Variants in BRAF observed in about 807,000 individuals in gnomAD.
BRAF encodes the protein serine/threonine-protein kinase B-raf.
Under a neutral mutation model 104.6 loss-of-function variants are expected in BRAF, and 16 were observed. That is an observed-to-expected ratio of 0.15 (90% CI 0.10 to 0.23). The LOEUF is 0.23. BRAF is among the 10% of genes least tolerant of loss of function. BRAF has a pLI of 1.00. For synonymous variants in BRAF, 310 were observed against 341.6 expected (o/e 0.91, Z 1.02); for missense variants, 541 against 937.3 (o/e 0.58, Z 5.52).
chr7:140,780,328 C>T (rs753100323), intron 12 of BRAF: 8 of 151,394 alleles, frequency 5.3e-5, no homozygotes, highest in Non-Finnish European at 1.2e-4. Flanking sequence ...GCAACCTCCA[C>T]CTCCTAGGTT....
At chr7:140,892,365 A>G (rs1814338459) in intron 1 of BRAF, among the ~76,000 whole-genome samples, 1 of 152,258 alleles carries the variant, frequency 6.6e-6, no homozygotes, top group Non-Finnish European at 1.5e-5. Flanking sequence ...TATATAATAT[A>G]GTACAGGGTA....
At chr7:140,727,480 G>A (rs1238401972) in intron 19 of BRAF, among the ~76,000 whole-genome samples, 2 of 151,882 alleles carry the variant, frequency 1.3e-5, no homozygotes, top group Non-Finnish European at 2.9e-5. Context: ...CACTGCACCC[G>A]GCCGCCATTA....
Position 140,725,547 on chromosome 7 carries a change from A to C in BRAF, c.*947T>G, listed in dbSNP as rs1166052026. The stretch of plus-strand genomic sequence containing the variant: ...AATTATCTAAATTTCTCACATTCAA[A>C]ACTGTTATTAAGCAGTTTTGTGGGG... On this transcript the variant is annotated 3_prime_UTR_variant, in exon 20 of 20. Transcript: ENST00000644969. 2.9e-6 allele frequency: 3 copies of C among 1,035,756 alleles called. No individual in the cohort carries two copies. Among genetic ancestry groups the C allele is most frequent in the Non-Finnish European group, 3.5e-6 (3 of 856,288 alleles). The allele number at this position is 1,035,756 out of a possible 1,614,324, so 64.2% of individuals were successfully genotyped here. A position where few individuals can be genotyped will look rare whatever the true frequency, so the allele number is the denominator to read the frequency against.
At chr7:140,749,639 A>C (rs1314317853) in intron 16 of BRAF, among the ~76,000 whole-genome samples, 1 of 152,210 alleles carries the variant, frequency 6.6e-6, no homozygotes, top group Non-Finnish European at 1.5e-5. Flanking sequence ...GTATTGTATT[A>C]CTAAGATTTT....
At chr7:140,890,211 A>G (rs1431225165) in intron 1 of BRAF, among the ~76,000 whole-genome samples, 2 of 152,254 alleles carry the variant, frequency 1.3e-5, no homozygotes, top group African/African-American at 4.8e-5. Context: ...CACAAAGTAA[A>G]TAATAAACTG....
rs113499031 is a variant in BRAF, at chr7:140,828,723, T to G, written c.504+5886A>C. On this transcript the variant is annotated intron_variant, in intron 3 of 19. Transcript: ENST00000644969. Reference sequence around the variant, plus strand: ...TCTTATTACGATGATTTAACAAATATCCTTGTATAAATATTGGTGCTTTTA... The same window carrying G: ...TCTTATTACGATGATTTAACAAATAGCCTTGTATAAATATTGGTGCTTTTA... Among the ~76,000 whole-genome samples the G allele has an allele frequency of 7.7e-3, 1,172 of 152,324 alleles. 18 individuals carry two copies. Among genetic ancestry groups the G allele is most frequent in the African/African-American group, 0.027 (1,108 of 41,576 alleles).
chr7:140,725,313 T>C lies in BRAF; in HGVS notation c.*1181A>G. 3 of 1,027,364 alleles carry C rather than the reference T, an allele frequency of 2.9e-6. No homozygotes were observed. Among genetic ancestry groups the C allele is most frequent in the Non-Finnish European group, 3.5e-6 (3 of 850,680 alleles). 63.6% of individuals were successfully genotyped at this position (1,027,364 alleles called of 1,614,324 possible). On this transcript the variant is annotated 3_prime_UTR_variant, in exon 20 of 20. Coordinates refer to ENST00000644969, the MANE Select transcript of BRAF (RefSeq NM_001374258.1). Reference sequence around the variant, plus strand: ...ATTGAAAAATTATAAATATTTGTCATTATGCTAAGACTCCTCATATTTAGG... The same window carrying C: ...ATTGAAAAATTATAAATATTTGTCACTATGCTAAGACTCCTCATATTTAGG...
At chr7:140,794,594 T>C (rs545455149) in intron 7 of BRAF, 127 bp from the exon 8 acceptor site, 4 of 1,131,968 alleles carry the variant, frequency 3.5e-6, no homozygotes, top group Non-Finnish European at 5.1e-6. Flanking sequence ...ATTAAAAACC[T>C]AGCAGTAATG....
At chr7:140,733,607 T>C (rs1796151751) in intron 19 of BRAF, 1 of 152,240 alleles carries the variant, frequency 6.6e-6, no homozygotes, top group Non-Finnish European at 1.5e-5. Flanking sequence ...AAGTAGAATC[T>C]TGCTGGGCAA....
At chr7:140,768,666 A>C (rs1666610276) in intron 14 of BRAF, among the ~76,000 whole-genome samples, 1 of 152,058 alleles carries the variant, frequency 6.6e-6, no homozygotes, top group African/African-American at 2.4e-5. Context: ...GCTAATTAAA[A>C]AAAATTTTTT....
rs144725925 is a variant in BRAF, at chr7:140,785,476, T to C, written c.1297+213A>G. 1.6e-4 allele frequency among the ~76,000 whole-genome samples: 25 copies of C among 152,318 alleles called. No homozygotes were observed. The East Asian group carries it at 4.8e-3, about 29-fold the overall frequency. ...ATCTCAGGTCAGGATTTTCTTGCTT[T>C]TAAAAATTTATGACAGACAGCATAC... On this transcript the variant is annotated intron_variant, in intron 10 of 19. Coordinates refer to ENST00000644969, the MANE Select transcript of BRAF (RefSeq NM_001374258.1).
chr7:140,806,751 A>T (rs1479530799), intron 5 of BRAF, among the ~76,000 whole-genome samples: 1 of 152,230 alleles, frequency 6.6e-6, no homozygotes, highest in East Asian at 1.9e-4. Flanking sequence ...TTTGCTGCAC[A>T]GTAAAATTTG....
chr7:140,751,562 G>A (rs1797789885), intron 16 of BRAF, among the ~76,000 whole-genome samples: 1 of 151,994 alleles, frequency 6.6e-6, no homozygotes, highest in Non-Finnish European at 1.5e-5. Flanking sequence ...TTAGAAAAAA[G>A]GGGCATTGGA....
chr7:140,826,695 A>ATT (rs1806091626), intron 3 of BRAF, among the ~76,000 whole-genome samples: 1 of 152,176 alleles, frequency 6.6e-6, no homozygotes, highest in East Asian at 1.9e-4. Context: ...CCATCTCAAA[A>ATT]AAGCGTGGGT....
intron 7 of BRAF, among the ~76,000 whole-genome samples, chr7:140,797,964 A>G (rs1802660930): frequency 6.6e-6 from 1 of 152,224 alleles, no homozygotes; most frequent in Admixed American, 6.5e-5. Flanking sequence ...ACAACCTGAC[A>G]AGAGAACACA....
intron 1 of BRAF, among the ~76,000 whole-genome samples, chr7:140,897,264 C>T (rs1237780875): frequency 6.6e-5 from 10 of 152,040 alleles, no homozygotes; most frequent in South Asian, 2.1e-4. Flanking sequence ...GCCCAGAAAT[C>T]GGTCCATGGG....
At chr7:140,840,461 A>G (rs1807826260) in intron 2 of BRAF, among the ~76,000 whole-genome samples, 1 of 152,076 alleles carries the variant, frequency 6.6e-6, no homozygotes, top group African/African-American at 2.4e-5. Context: ...ATGGGAGAAA[A>G]TATTTGCAAG....
chr7:140,867,324 T>G (rs1274438979), intron 1 of BRAF, among the ~76,000 whole-genome samples: 1 of 152,186 alleles, frequency 6.6e-6, no homozygotes, highest in Non-Finnish European at 1.5e-5. Flanking sequence ...ATCAAAAGAC[T>G]GACACTTTAT....
intron 9 of BRAF, among the ~76,000 whole-genome samples, chr7:140,787,154 A>G (rs1357664444): frequency 6.6e-6 from 1 of 151,780 alleles, no homozygotes; most frequent in Non-Finnish European, 1.5e-5. Flanking sequence ...ACAAAAAATT[A>G]GCCGGGCGTG....
Sources: gnomAD v4.1 joint callset for allele counts (sites outside exome capture counted in the v4.1 genomes callset) on GRCh38, gnomAD v4.1.1 for gene constraint, MANE v1.5 for transcripts, NCBI Gene and HGNC (gene_info 2026-07-23, HGNC 2026-07-21) for gene names.